Variants in NAMPT observed in about 807,000 individuals in gnomAD.
The protein encoded by NAMPT is NAmPRTase.
Under a neutral mutation model 58.7 loss-of-function variants are expected in NAMPT, and 7 were observed. That is an observed-to-expected ratio of 0.12 (90% CI 0.07 to 0.22). The LOEUF (loss-of-function observed/expected upper bound fraction) is 0.22. Among genes scored for constraint, NAMPT ranks in the 10% least tolerant of loss-of-function variants. The probability of loss-of-function intolerance (pLI) is 1.00; values close to 1 mark genes in which losing one functional copy is unlikely to be tolerated. For synonymous variants in NAMPT, 145 were observed against 198.1 expected, an observed-to-expected ratio of 0.73 and a Z score of 2.25; for missense variants, 271 against 567.9, an observed-to-expected ratio of 0.48 and a Z score of 5.31.
At chr7:106,276,561 G>A (rs1792648667) in intron 2 of NAMPT, 1 of 154,404 alleles carries the variant, frequency 6.5e-6, no homozygotes, top group Admixed American at 6.4e-5. Context: ...CTTTTAGTTC[G>A]GCCAGGAGTG....
chr7:106,262,711 A>G (rs1792329324), intron 7 of NAMPT, among the ~76,000 whole-genome samples: 1 of 152,132 alleles, frequency 6.6e-6, no homozygotes, highest in Non-Finnish European at 1.5e-5. Flanking sequence ...TGTGACCTTG[A>G]GCAAGTTACT....
In NAMPT at chr7:106,268,527, A is replaced by C. The variant is rs1339950106; in HGVS notation, c.680T>G (p.Ile227Ser). The C allele has an allele frequency of 6.2e-7, 1 of 1,613,540 alleles. No individual in the cohort carries two copies. The highest frequency in any genetic ancestry group is 1.3e-5 in the African/African-American group (1 of 75,050). Residue 227 changes from isoleucine (I) to serine (S), a missense_variant, in exon 6 of 11, where the codon ATT (isoleucine) becomes AGT (serine). Physicochemically the swap from Ile to Ser is moderately radical, Grantham distance 142. Transcript: ENST00000222553. ...ATCTTTCGTTCCATAATATTTTTTA[A>C]TTAGAGCAAGTCCTGCTACTGTATC... ...GTDTVAGLAL[I>S]KKYYGTKDPV...
intron 8 of NAMPT, among the ~76,000 whole-genome samples, chr7:106,261,041 C>A (rs1336547381): frequency 9.2e-5 from 14 of 152,220 alleles, no homozygotes; most frequent in African/African-American, 3.4e-4. Flanking sequence ...ACTTGCTCAA[C>A]ACAGGGTGGC....
chr7:106,264,887 T>G (rs1216263773), intron 6 of NAMPT, among the ~76,000 whole-genome samples: 1 of 152,004 alleles, frequency 6.6e-6, no homozygotes, highest in Non-Finnish European at 1.5e-5. Context: ...GTGTGTGTTT[T>G]TTTTTTTAAA....
intron 10 of NAMPT, among the ~76,000 whole-genome samples, chr7:106,251,477 G>A (rs1273977455): frequency 6.6e-6 from 1 of 152,062 alleles, no homozygotes; most frequent in Non-Finnish European, 1.5e-5. Context: ...AAGAAACCTA[G>A]CTGACCAATC....
At chr7:106,284,794 G>A (rs760257307) in intron 1 of NAMPT, 34 bp downstream of exon 1, 4 of 1,121,520 alleles carry the variant, frequency 3.6e-6, no homozygotes, top group Non-Finnish European at 4.5e-6. Context: ...AGCGCGCCCC[G>A]CTCCTCCTCA....
At chr7:106,267,876 A>AAAAAAAC (rs1189395299) in intron 6 of NAMPT, among the ~76,000 whole-genome samples, 2 of 130,394 alleles carry the variant, frequency 1.5e-5, no homozygotes, top group African/African-American at 2.8e-5. Context: ...AAAAAAAAAA[A>AAAAAAAC]CAACCTGATT....
At chr7:106,257,371 C>T (rs1262582002) in intron 8 of NAMPT, among the ~76,000 whole-genome samples, 2 of 150,778 alleles carry the variant, frequency 1.3e-5, no homozygotes, top group East Asian at 3.9e-4. Context: ...AATCTCAGCA[C>T]TTTAGGAGGC....
intron 7 of NAMPT, 179 bp downstream of exon 7, chr7:106,263,213 C>T: frequency 1.7e-6 from 1 of 581,926 alleles, no homozygotes; most frequent in Non-Finnish European, 3.1e-6. Flanking sequence ...TCTTGGTATC[C>T]TTCTGTGCTA....
In NAMPT at chr7:106,249,175, A is replaced by G. The variant is rs1478997638; in HGVS notation, c.*1908T>C. ...ATACTACTCATCTTTACTCAAATAC[A>G]TTAAAAAATCATTTTAAAATTATTT... On this transcript the variant is annotated 3_prime_UTR_variant, in exon 11 of 11. Coordinates refer to ENST00000222553, the MANE Select transcript of NAMPT (RefSeq NM_005746.3). The G allele has an allele frequency of 6.6e-6, 1 of 152,512 alleles. No individual in the cohort carries two copies. Among genetic ancestry groups the G allele is most frequent in the East Asian group, 1.9e-4 (1 of 5,192 alleles). The allele number at this position is 152,512 out of a possible 1,614,324, so 9.4% of individuals were successfully genotyped here.
chr7:106,277,129 G>A lies in NAMPT; in HGVS notation c.108C>T (p.Tyr36=). ...YPPNTSKVYS[Y]FECREKKTEN... is the part of the protein sequence containing the mutation. ...CTGTCTTCTTTTCACGGCATTCAAA[G>A]TAGGAATAAACTTTGCTTGTGTTGG... Residue 36 remains tyrosine (Y), a synonymous_variant, in exon 2 of 11, where the codon TAC becomes TAT. Transcript: ENST00000222553. 6.2e-7 allele frequency: 1 copy of A among 1,611,132 alleles called. No individual in the cohort carries two copies. Among genetic ancestry groups the A allele is most frequent in the Non-Finnish European group, 8.5e-7 (1 of 1,177,508 alleles).
rs1303169839 is a variant in NAMPT at position 106,276,843 on chromosome 7, C to CAA, written c.214+178_214+179dup. 3.0e-3 allele frequency: 1,257 copies of CAA among 417,194 alleles called. 1 individual carries two copies. The highest frequency in any genetic ancestry group is 0.012 in the African/African-American group (396 of 34,404). 25.8% of individuals were successfully genotyped at this position (417,194 alleles called of 1,614,324 possible). On this transcript the variant is annotated intron_variant, in intron 2 of 10. Transcript: ENST00000222553. ...GCCAACAAGAGCGAAACTCGGTTTC[C>CAA]AAAAAAAAAAAAAAACCTTTTATTT...
At chr7:106,268,231 G>A in intron 6 of NAMPT, 1 of 335,136 alleles carries the variant, frequency 3.0e-6, no homozygotes, top group South Asian at 6.4e-5. Context: ...AACTTCTATG[G>A]CAATATAAGT....
intron 4 of NAMPT, among the ~76,000 whole-genome samples, chr7:106,271,353 C>T (rs1032813549): frequency 1.3e-5 from 2 of 152,124 alleles, no homozygotes; most frequent in African/African-American, 4.8e-5. Context: ...TTCCTTTAGA[C>T]AGAATTACCT....
In NAMPT at chr7:106,267,840, C is replaced by CAAAAAAAAAAAAAAAAAAAAAAAAAAA. The variant is rs769070307; in HGVS notation, c.743+597_743+623dup. ...TGGGCGACAGAGCGAGACTCCGTCTCAAAAAAAAAAAAAAAAAAAAAAAAA... is the reference window on the plus strand; with the variant it reads ...TGGGCGACAGAGCGAGACTCCGTCTCAAAAAAAAAAAAAAAAAAAAAAAAAAAAAAAAAAAAAAAAAAAAAAAAAAAA... On this transcript the variant is annotated intron_variant, in intron 6 of 10. Transcript: ENST00000222553. 3.6e-4 allele frequency among the ~76,000 whole-genome samples: 12 copies of CAAAAAAAAAAAAAAAAAAAAAAAAAAA among 33,176 alleles called. 2 individuals are homozygous for CAAAAAAAAAAAAAAAAAAAAAAAAAAA. The highest frequency in any genetic ancestry group is 9.7e-4 in the Admixed American group (2 of 2,064). 21.8% of individuals were successfully genotyped at this position (33,176 alleles called of 152,430 possible).
Position 106,251,173 on chromosome 7 carries a change from G to A in NAMPT, c.1386C>T (p.Phe462=), listed in dbSNP as rs755091485. ...EYGQDLLHTV[F]KNGKVTKSYS... Reference sequence around the variant, plus strand: ...AGCTTTTTGTCACCTTGCCATTCTTGAAGACAGTATGGAGAAGATCCTGCA... The same window carrying A: ...AGCTTTTTGTCACCTTGCCATTCTTAAAGACAGTATGGAGAAGATCCTGCA... The change falls in exon 11 of 11, where the codon TTC becomes TTT. Residue 462 remains phenylalanine, a synonymous_variant. Transcript: ENST00000222553. The A allele has an allele frequency of 1.3e-5, 21 of 1,598,696 alleles. No homozygotes were observed. In the South Asian group the frequency reaches 2.3e-4, roughly 18 times the overall value.
At chr7:106,259,166 C>T (rs1196524104) in intron 8 of NAMPT, among the ~76,000 whole-genome samples, 1 of 152,232 alleles carries the variant, frequency 6.6e-6, no homozygotes, top group Non-Finnish European at 1.5e-5. Context: ...CTCATCTGTT[C>T]AAGTTTAATC....
At chr7:106,279,902 T>A (rs1792727703) in intron 1 of NAMPT, among the ~76,000 whole-genome samples, 1 of 151,664 alleles carries the variant, frequency 6.6e-6, no homozygotes. Flanking sequence ...TGCTTTGGCA[T>A]AAGGGACAGA....
chr7:106,284,548 G>A (rs1792828618), intron 1 of NAMPT: 1 of 167,314 alleles, frequency 6.0e-6, no homozygotes, highest in Non-Finnish European at 1.2e-5. Flanking sequence ...AGTCCGCTGG[G>A]GCCCGCCTCA....
Sources: gnomAD v4.1 joint callset for allele counts (sites outside exome capture counted in the v4.1 genomes callset) on GRCh38, gnomAD v4.1.1 for gene constraint, MANE v1.5 for transcripts, NCBI Gene and HGNC (gene_info 2026-07-23, HGNC 2026-07-21) for gene names.